PDGFB: variants seen among roughly 807,000 people sequenced by gnomAD.
The protein encoded by PDGFB is platelet derived growth factor subunit B.
PDGFB carries 6 observed loss-of-function variants against 29.0 expected under a neutral mutation model. The observed-to-expected ratio is 0.21, with a 90% CI of 0.11 to 0.41. The LOEUF (loss-of-function observed/expected upper bound fraction) is 0.41. PDGFB is among the 10% of genes least tolerant of loss of function. The pLI, the probability that PDGFB is intolerant of heterozygous loss-of-function variation, is 1.00. For synonymous variants in PDGFB, 144 were observed against 140.8 expected (o/e 1.02, Z -0.16); for missense variants, 299 against 341.8 (o/e 0.87, Z 0.99).
At chr22:39,240,097 G>A (rs1043067623) in intron 1 of PDGFB, among the ~76,000 whole-genome samples, 11 of 152,210 alleles carry the variant, frequency 7.2e-5, no homozygotes, top group African/African-American at 2.4e-4. Context: ...TTCCCACCTA[G>A]CATTCCCCTT....
chr22:39,230,070 G>C lies in PDGFB; in HGVS notation c.601+14C>G. 3 of 1,612,894 alleles carry C rather than the reference G, an allele frequency of 1.9e-6. No individual in the cohort carries two copies. The highest frequency in any genetic ancestry group is 2.5e-6 in the Non-Finnish European group (3 of 1,179,426). ...GGGAAGGGGGCTGAGGGCTGAGCCT[G>C]GAAAGGTGGTTACCTCGCTGCTCCT... On this transcript the variant is annotated intron_variant, in intron 5 of 6. Coordinates refer to ENST00000331163, the MANE Select transcript of PDGFB (RefSeq NM_002608.4).
At chr22:39,233,244 G>A (rs533733389) in intron 3 of PDGFB, among the ~76,000 whole-genome samples, 191 bp downstream of exon 3, 24 of 152,330 alleles carry the variant, frequency 1.6e-4, no homozygotes, top group Admixed American at 1.3e-3. Flanking sequence ...GTGTGGGGGC[G>A]AGGGGCTGTG....
intron 5 of PDGFB, among the ~76,000 whole-genome samples, chr22:39,228,272 A>T (rs868134126): frequency 1.3e-5 from 2 of 152,366 alleles, no homozygotes; most frequent in Admixed American, 6.5e-5. Context: ...ACGTCAAACA[A>T]ATACATGAAG....
At chr22:39,238,292 C>G (rs1932492320) in intron 1 of PDGFB, among the ~76,000 whole-genome samples, 1 of 152,148 alleles carries the variant, frequency 6.6e-6, no homozygotes, top group African/African-American at 2.4e-5. Context: ...ATTCTTCTGC[C>G]TCCTCCACCA....
intron 5 of PDGFB, among the ~76,000 whole-genome samples, chr22:39,227,644 AC>A (rs1555921763): frequency 6.6e-6 from 1 of 152,178 alleles, no homozygotes; most frequent in Non-Finnish European, 1.5e-5. Context: ...CACACCTCCA[AC>A]CACTCAGCAC....
rs1434771402 is a variant in PDGFB, at chr22:39,244,625, TGCCCGCTGCGCGCTCGGCTGG to T, written c.-683_-663del. On this transcript the variant is annotated 5_prime_UTR_variant, in exon 1 of 7. Coordinates refer to ENST00000331163, the MANE Select transcript of PDGFB (RefSeq NM_002608.4). The surrounding 1 kb of genome is among the most constrained non-coding windows in gnomAD (Gnocchi z 4.5). ...GCACGGCTGCTCCGCGCGCGCGGCG[TGCCCGCTGCGCGCTCGGCTGG>T]GCCCGGCCGACAGGTGGACGCGGCG... 156 of 153,678 alleles carry T rather than the reference TGCCCGCTGCGCGCTCGGCTGG, an allele frequency of 1.0e-3. 1 individual carries two copies. The highest frequency in any genetic ancestry group is 1.8e-3 in the Admixed American group (27 of 14,962). The allele number at this position is 153,678 out of a possible 1,614,324, so 9.5% of individuals were successfully genotyped here.
At chr22:39,238,974 G>A (rs1467329171) in intron 1 of PDGFB, among the ~76,000 whole-genome samples, 1 of 152,266 alleles carries the variant, frequency 6.6e-6, no homozygotes, top group African/African-American at 2.4e-5. Context: ...AAACCCTGTA[G>A]CGGAGGAAAG....
At position 39,230,193 on chromosome 22, in the gene PDGFB, G is replaced by A; in HGVS notation, c.492C>T (p.Ile164=). Residue 164 remains isoleucine, a synonymous_variant, in exon 5 of 7, where the codon ATC becomes ATT. Coordinates refer to ENST00000331163, the MANE Select transcript of PDGFB (RefSeq NM_002608.4). ...CCAGCGTCACCGTGGCCTTCTTAAA[G>A]ATTGGCTTCTTCCGCACAATCTCGA... The part of the protein sequence containing the change: ...RKIEIVRKKP[I]FKKATVTLED... The A allele has an allele frequency of 1.2e-6, 2 of 1,614,060 alleles. No individual in the cohort carries two copies. Among genetic ancestry groups the A allele is most frequent in the East Asian group, 2.2e-5 (1 of 44,890 alleles).
intron 4 of PDGFB, among the ~76,000 whole-genome samples, chr22:39,230,582 G>T (rs1932277019): frequency 6.6e-6 from 1 of 152,226 alleles, no homozygotes; most frequent in Non-Finnish European, 1.5e-5. Flanking sequence ...ATGGTTGTCT[G>T]GAAGGAAGTG....
intron 1 of PDGFB, among the ~76,000 whole-genome samples, chr22:39,239,370 C>A (rs1269342593): frequency 6.9e-6 from 1 of 145,660 alleles, no homozygotes; most frequent in Non-Finnish European, 1.5e-5. Context: ...GAGCCTGGGC[C>A]GTGTGGGCTT....
chr22:39,230,592 G>A (rs147231356), intron 4 of PDGFB, among the ~76,000 whole-genome samples: 3 of 152,228 alleles, frequency 2.0e-5, no homozygotes, highest in African/African-American at 7.2e-5. Context: ...GGAAGGAAGT[G>A]GGGGGAGGCT....
chr22:39,233,637 G>C (rs1932368462), intron 2 of PDGFB, 113 bp from the exon 3 acceptor site: 1 of 635,470 alleles, frequency 1.6e-6, no homozygotes, highest in South Asian at 2.1e-5. Flanking sequence ...CCAGAGAACA[G>C]TCCCTCCTTC....
chr22:39,242,998 C>A lies in PDGFB; in HGVS notation c.63+903G>T. 4.3e-6 allele frequency: 1 copy of A among 233,138 alleles called. No individual in the cohort carries two copies. Among genetic ancestry groups the A allele is most frequent in the East Asian group, 6.0e-5 (1 of 16,568 alleles). The allele number at this position is 233,138 out of a possible 1,614,324, so 14.4% of individuals were successfully genotyped here. A position where few individuals can be genotyped will look rare whatever the true frequency, so the allele number is the denominator to read the frequency against. ...GGGGTGGGGACGGCTCCGACCCCAG[C>A]GCTCCCTCAGATGTTTTTATACCCC... On this transcript the variant is annotated intron_variant, in intron 1 of 6. Coordinates refer to ENST00000331163, the MANE Select transcript of PDGFB (RefSeq NM_002608.4). This position sits in a 1 kb window ranked among gnomAD's most constrained non-coding sequence, Gnocchi z 5.7.
At chr22:39,241,955 C>T (rs1932577067) in intron 1 of PDGFB, among the ~76,000 whole-genome samples, 1 of 152,120 alleles carries the variant, frequency 6.6e-6, no homozygotes, top group Non-Finnish European at 1.5e-5. Context: ...TTCTCCCTCC[C>T]TCACAGGACG....
rs1295250550 is a variant in PDGFB at position 39,231,673 on chromosome 22, G to A, written c.405C>T (p.Asn135=). The A allele has an allele frequency of 6.3e-7, 1 of 1,596,570 alleles. No individual in the cohort carries two copies. The highest frequency in any genetic ancestry group is 8.5e-7 in the Non-Finnish European group (1 of 1,172,586). Reference sequence around the variant, plus strand: ...TGGGGCGGCACTGCACGTTGCGGTTGTTGCAGCAGCCGGAGCAGCGCTGCA... The same window carrying A: ...TGGGGCGGCACTGCACGTTGCGGTTATTGCAGCAGCCGGAGCAGCGCTGCA... ...VEVQRCSGCC[N]NRNVQCRPTQ... is the part of the protein sequence containing the mutation. The change falls in exon 4 of 7, where the codon AAC becomes AAT. Residue 135 remains asparagine (N), a synonymous_variant. Transcript: ENST00000331163. The surrounding 1 kb of genome is among the most constrained non-coding windows in gnomAD (Gnocchi z 4.3).
chr22:39,229,262 C>T (rs1932240023), intron 5 of PDGFB, among the ~76,000 whole-genome samples: 1 of 152,094 alleles, frequency 6.6e-6, no homozygotes, highest in South Asian at 2.1e-4. Context: ...TCACGGCTCA[C>T]TGTAGCCTCG....
chr22:39,238,181 G>A (rs1241055678), intron 1 of PDGFB, among the ~76,000 whole-genome samples: 3 of 152,194 alleles, frequency 2.0e-5, no homozygotes, highest in Admixed American at 2.0e-4. Context: ...AAGAGCCCAG[G>A]ATAGGGTCTG....
Position 39,223,808 on chromosome 22 carries a change from A to G in PDGFB, c.*1534T>C, listed in dbSNP as rs958412100. Reference sequence around the variant, plus strand: ...ATCACCGACTTTACAAACTGAAGGAAGCAGGTTTTGGAAGGCGGGAAGGGG... The same window carrying G: ...ATCACCGACTTTACAAACTGAAGGAGGCAGGTTTTGGAAGGCGGGAAGGGG... On this transcript the variant is annotated 3_prime_UTR_variant, in exon 7 of 7. Transcript: ENST00000331163. 6 of 152,618 alleles carry G rather than the reference A, an allele frequency of 3.9e-5. No individual in the cohort carries two copies. The highest frequency in any genetic ancestry group is 1.4e-4 in the African/African-American group (6 of 41,464). The allele number at this position is 152,618 out of a possible 1,614,324, so 9.5% of individuals were successfully genotyped here.
At position 39,243,974 on chromosome 22, in the gene PDGFB, G is replaced by A. The variant is rs778843558; in HGVS notation, c.-11C>T. 9.5e-6 allele frequency: 15 copies of A among 1,578,078 alleles called. No homozygotes were observed. In the East Asian group the frequency reaches 3.3e-4, roughly 35 times the overall value. ...CCAGCAGCGATTCATGCCGACTCCG[G>A]GCCCGGCCCCGCGGGGCCCCGGACG... On this transcript the variant is annotated 5_prime_UTR_variant, in exon 1 of 7. Transcript: ENST00000331163. This position sits in a 1 kb window ranked among gnomAD's most constrained non-coding sequence, Gnocchi z 6.4.
Sources: gnomAD v4.1 joint callset for allele counts (sites outside exome capture counted in the v4.1 genomes callset) on GRCh38, gnomAD v4.1.1 for gene constraint, Gnocchi (gnomAD v3.1) non-coding constraint, MANE v1.5 for transcripts, NCBI Gene and HGNC (gene_info 2026-07-23, HGNC 2026-07-21) for gene names.